S100Z: variants seen among roughly 807,000 people sequenced by gnomAD.
S100Z encodes the protein S100 calcium binding protein Z, also known as protein S100-Z.
A neutral mutation model predicts 8.5 loss-of-function variants in S100Z; 11 were observed. The ratio of observed to expected loss-of-function variants is 1.30; its 90% confidence interval spans 0.82 to 2.15. The LOEUF is 2.15. S100Z is among the 30% of genes most tolerant of loss of function. S100Z has a pLI of 0.00. For missense variants in S100Z, 126 were observed against 117.9 expected, an observed-to-expected ratio of 1.07 and a Z score of -0.32; for synonymous variants, 34 against 43.8, an observed-to-expected ratio of 0.78 and a Z score of 0.89.
the S100Z span, among the ~76,000 whole-genome samples, chr5:76,952,171 C>A: frequency 6.6e-6 from 1 of 152,134 alleles, no homozygotes; most frequent in Admixed American, 6.5e-5. Context: ...TCTTTTTAGC[C>A]CTGCAAATTT....
intron 4 of S100Z, among the ~76,000 whole-genome samples, chr5:76,901,981 C>T (rs1744245678): frequency 6.6e-6 from 1 of 152,030 alleles, no homozygotes; most frequent in Non-Finnish European, 1.5e-5. Flanking sequence ...CCCTCCTGGC[C>T]CAAAGTGTGT....
At chr5:76,876,577 G>C (rs1425462953) in intron 3 of S100Z, among the ~76,000 whole-genome samples, 1 of 151,950 alleles carries the variant, frequency 6.6e-6, no homozygotes, top group Non-Finnish European at 1.5e-5. Flanking sequence ...CACTATGTTG[G>C]CCAGGCTGGT....
intron 1 of S100Z, among the ~76,000 whole-genome samples, chr5:76,859,423 G>T (rs1257999003): frequency 6.6e-6 from 1 of 152,110 alleles, no homozygotes; most frequent in Admixed American, 6.6e-5. Flanking sequence ...TAGTATTAAA[G>T]CTCCCAAGAA....
chr5:76,913,597 A>G (rs1744744239), intron 4 of S100Z, among the ~76,000 whole-genome samples: 1 of 152,224 alleles, frequency 6.6e-6, no homozygotes, highest in South Asian at 2.1e-4. Context: ...GTTTGCTAAA[A>G]GTTAACAGTG....
At chr5:76,920,653 G>T (rs1282351138) in intron 4 of S100Z, 64 bp from the exon 5 acceptor site, 1 of 152,218 alleles carries the variant, frequency 6.6e-6, no homozygotes, top group Non-Finnish European at 1.5e-5. Context: ...ACCATCATCA[G>T]CAGGAAACAT....
chr5:76,863,941 T>C (rs1751172541), intron 1 of S100Z, among the ~76,000 whole-genome samples: 1 of 152,238 alleles, frequency 6.6e-6, no homozygotes, highest in East Asian at 1.9e-4. Flanking sequence ...TTTTATATGC[T>C]AAATCTTTAT....
chr5:76,918,348 A>T (rs1392654410), intron 4 of S100Z, among the ~76,000 whole-genome samples: 1 of 152,144 alleles, frequency 6.6e-6, no homozygotes, highest in Non-Finnish European at 1.5e-5. Context: ...CTGAGACTAC[A>T]GGTGCGTGCC....
At chr5:76,928,286 G>A in the S100Z span, among the ~76,000 whole-genome samples, 1 of 152,130 alleles carries the variant, frequency 6.6e-6, no homozygotes, top group Non-Finnish European at 1.5e-5. Flanking sequence ...GAACATATAA[G>A]CTGCAAAAAG....
chr5:76,906,510 A>G (rs1369677419), intron 4 of S100Z, among the ~76,000 whole-genome samples: 2 of 152,186 alleles, frequency 1.3e-5, no homozygotes, highest in East Asian at 3.9e-4. Context: ...TATTTCACAT[A>G]TAAGTACAGT....
At chr5:76,875,597 C>T (rs1743162597) in intron 3 of S100Z, 97 bp downstream of exon 3, 1 of 1,130,428 alleles carries the variant, frequency 8.8e-7, no homozygotes, top group East Asian at 2.6e-5. Flanking sequence ...GTGATTCTGT[C>T]ACAAATGCAG....
At chr5:76,937,752 C>CAAAAAAAAAA in the S100Z span, among the ~76,000 whole-genome samples, 1 of 73,334 alleles carries the variant, frequency 1.4e-5, no homozygotes, top group African/African-American at 5.1e-5. Flanking sequence ...GACCCTGTCT[C>CAAAAAAAAAA]AAAAAAAAAA....
intron 1 of S100Z, among the ~76,000 whole-genome samples, chr5:76,863,857 G>A (rs1751169352): frequency 1.3e-5 from 2 of 152,188 alleles, no homozygotes; most frequent in African/African-American, 4.8e-5. Context: ...ATCTCTTGAA[G>A]GCTCCAGCAC....
the S100Z span, among the ~76,000 whole-genome samples, chr5:76,927,387 C>T: frequency 1.3e-5 from 2 of 152,164 alleles, no homozygotes; most frequent in African/African-American, 2.4e-5. Context: ...TTGTGCTCTC[C>T]CTCTGCCCCA....
At chr5:76,921,761 G>A (rs889326324), downstream of S100Z, 1 of 152,168 alleles carries the variant, frequency 6.6e-6, no homozygotes, top group African/African-American at 2.4e-5. Flanking sequence ...GTCGAGGTGG[G>A]CGGATCACTT....
the S100Z span, among the ~76,000 whole-genome samples, chr5:76,928,084 A>G: frequency 6.6e-6 from 1 of 152,154 alleles, no homozygotes; most frequent in Non-Finnish European, 1.5e-5. Context: ...CTCACCATCT[A>G]TATGGATTTC....
chr5:76,916,488 C>CATGTG (rs1744857938), intron 4 of S100Z, among the ~76,000 whole-genome samples: 1 of 149,002 alleles, frequency 6.7e-6, no homozygotes, highest in Non-Finnish European at 1.5e-5. Context: ...ACATTATTTT[C>CATGTG]ATGTGCCCAC....
intron 4 of S100Z, among the ~76,000 whole-genome samples, chr5:76,904,864 T>C (rs145132491): frequency 6.6e-6 from 1 of 152,272 alleles, no homozygotes; most frequent in East Asian, 1.9e-4. Context: ...ATTCTCTTAA[T>C]ATTGTCTTTT....
the S100Z span, among the ~76,000 whole-genome samples, chr5:76,947,804 T>C: frequency 3.9e-5 from 6 of 152,198 alleles, no homozygotes; most frequent in Admixed American, 3.9e-4. Flanking sequence ...GAAAACTGGA[T>C]ATCCAAGTGC....
intron 4 of S100Z, among the ~76,000 whole-genome samples, chr5:76,882,763 C>G (rs1375619607): frequency 3.3e-5 from 5 of 152,050 alleles, no homozygotes; most frequent in African/African-American, 4.8e-5. Flanking sequence ...GCAGTACAGC[C>G]CAGGTAATTT....
Sources: gnomAD v4.1 joint callset for allele counts (sites outside exome capture counted in the v4.1 genomes callset) on GRCh38, gnomAD v4.1.1 for gene constraint, MANE v1.5 for transcripts, NCBI Gene and HGNC (gene_info 2026-07-23, HGNC 2026-07-21) for gene names.